GRIP1: variants seen among roughly 807,000 people sequenced by gnomAD.
GRIP1 encodes the protein glutamate receptor-interacting protein 1.
In GRIP1, 45 loss-of-function variants were observed where a neutral mutation model predicts 129.9. The observed-to-expected ratio is 0.35, with a 90% CI of 0.27 to 0.44. GRIP1 has a LOEUF of 0.44. GRIP1 is among the 20% of genes least tolerant of loss of function. GRIP1 has a pLI of 1.00. For synonymous variants in GRIP1, 530 were observed against 520.8 expected (o/e 1.02, Z -0.24); for missense variants, 1,196 against 1,396.8 (o/e 0.86, Z 2.29).
At chr12:66,664,184 A>G (rs1565951381) in intron 1 of GRIP1, among the ~76,000 whole-genome samples, 1 of 151,998 alleles carries the variant, frequency 6.6e-6, no homozygotes, top group Non-Finnish European at 1.5e-5. Context: ...TAGCAGGGTT[A>G]GTTTTATGAA....
At chr12:67,048,184 C>T (rs1347320669) in intron 1 of GRIP1, among the ~76,000 whole-genome samples, 1 of 151,230 alleles carries the variant, frequency 6.6e-6, no homozygotes, top group African/African-American at 2.4e-5. Context: ...TTAACTCTTT[C>T]ATATAGATTT....
At chr12:67,033,465 A>G (rs1254244355) in intron 1 of GRIP1, among the ~76,000 whole-genome samples, 1 of 152,078 alleles carries the variant, frequency 6.6e-6, no homozygotes, top group East Asian at 1.9e-4. Flanking sequence ...AGTGTGTACA[A>G]AAACAAAGTA....
intron 19 of GRIP1, among the ~76,000 whole-genome samples, chr12:66,381,616 C>T (rs1382852469): frequency 6.6e-6 from 1 of 152,144 alleles, no homozygotes; most frequent in East Asian, 1.9e-4. Flanking sequence ...CACTGAATTC[C>T]CTGGTGAAAT....
At chr12:66,486,713 T>C (rs1408223142) in intron 7 of GRIP1, among the ~76,000 whole-genome samples, 3 of 152,294 alleles carry the variant, frequency 2.0e-5, no homozygotes, top group East Asian at 1.9e-4. Flanking sequence ...CTTTTGTAAA[T>C]TGCCCAGTCT....
chr12:66,966,948 T>G (rs1401844118), intron 1 of GRIP1, among the ~76,000 whole-genome samples: 1 of 152,190 alleles, frequency 6.6e-6, no homozygotes, highest in Non-Finnish European at 1.5e-5. Context: ...GAGAGTGAAG[T>G]ATCTGCATCA....
At chr12:66,945,128 CTCTTT>C (rs1232577157) in intron 1 of GRIP1, among the ~76,000 whole-genome samples, 1 of 152,068 alleles carries the variant, frequency 6.6e-6, no homozygotes, top group Non-Finnish European at 1.5e-5. Flanking sequence ...AATTGCCATT[CTCTTT>C]TGTTTTCTTT....
intron 7 of GRIP1, among the ~76,000 whole-genome samples, chr12:66,511,817 A>C (rs2060707184): frequency 6.6e-6 from 1 of 152,156 alleles, no homozygotes; most frequent in Admixed American, 6.5e-5. Context: ...AAGCCAGGAT[A>C]TATCTTGGGC....
At chr12:66,765,379 C>G (rs1314039948) in intron 1 of GRIP1, among the ~76,000 whole-genome samples, 1 of 152,236 alleles carries the variant, frequency 6.6e-6, no homozygotes, top group Non-Finnish European at 1.5e-5. Context: ...TCTTCCTTCA[C>G]ACTCATGACA....
intron 1 of GRIP1, among the ~76,000 whole-genome samples, chr12:66,840,020 C>T (rs1213796289): frequency 6.6e-6 from 1 of 152,246 alleles, no homozygotes; most frequent in Admixed American, 6.5e-5. Flanking sequence ...ATTATTTTAA[C>T]TTGGATATTT....
intron 1 of GRIP1, among the ~76,000 whole-genome samples, chr12:66,687,478 A>C (rs969792422): frequency 6.6e-6 from 1 of 152,126 alleles, no homozygotes; most frequent in Non-Finnish European, 1.5e-5. Context: ...TCTTGGGTAA[A>C]AGTGACTGAG....
chr12:66,383,604 C>CTGCTG (rs1565685434), intron 19 of GRIP1, among the ~76,000 whole-genome samples: 2 of 152,222 alleles, frequency 1.3e-5, no homozygotes, highest in African/African-American at 2.4e-5. Flanking sequence ...TCTCCCACTG[C>CTGCTG]TGCTGTGCTG....
chr12:66,724,570 T>A (rs1437669377), intron 1 of GRIP1, among the ~76,000 whole-genome samples: 1 of 152,226 alleles, frequency 6.6e-6, no homozygotes, highest in Non-Finnish European at 1.5e-5. Flanking sequence ...GCTTATGTGA[T>A]GTCCAAAATA....
At chr12:66,970,540 C>CTTTTTTT (rs3051201) in intron 1 of GRIP1, among the ~76,000 whole-genome samples, 3 of 129,758 alleles carry the variant, frequency 2.3e-5, no homozygotes, top group African/African-American at 2.9e-5. Context: ...CCTCTAGTGT[C>CTTTTTTT]TTTTTTTTTT....
intron 1 of GRIP1, among the ~76,000 whole-genome samples, chr12:67,003,717 A>T (rs1281485544): frequency 1.4e-4 from 21 of 152,070 alleles, no homozygotes; most frequent in Admixed American, 4.6e-4. Flanking sequence ...TAAATAAATA[A>T]AAATAAATAA....
intron 15 of GRIP1, among the ~76,000 whole-genome samples, chr12:66,417,787 G>A (rs1379023616): frequency 6.6e-6 from 1 of 151,904 alleles, no homozygotes; most frequent in East Asian, 1.9e-4. Flanking sequence ...AAATTGAAGA[G>A]GACACAAACA....
chr12:66,376,524 C>T (rs925877183), intron 22 of GRIP1, among the ~76,000 whole-genome samples: 3 of 152,210 alleles, frequency 2.0e-5, no homozygotes, highest in Non-Finnish European at 2.9e-5. Flanking sequence ...CTATTACATT[C>T]CATCTCGTTC....
chr12:66,786,693 G>GCT (rs987992734), intron 1 of GRIP1, among the ~76,000 whole-genome samples: 12 of 152,138 alleles, frequency 7.9e-5, no homozygotes, highest in African/African-American at 2.4e-4. Context: ...TGGTCTATTG[G>GCT]CTCTCCAGAC....
chr12:66,537,057 T>TC (rs2061626161), intron 4 of GRIP1, among the ~76,000 whole-genome samples: 1 of 152,118 alleles, frequency 6.6e-6, no homozygotes, highest in South Asian at 2.1e-4. Flanking sequence ...GATTCAGATA[T>TC]TGAATCCAGG....
intron 1 of GRIP1, among the ~76,000 whole-genome samples, chr12:66,705,432 C>A (rs552695358): frequency 3.9e-5 from 6 of 152,246 alleles, no homozygotes; most frequent in African/African-American, 1.4e-4. Flanking sequence ...AAAAATGTTC[C>A]ATTCTCATGG....
Sources: allele counts gnomAD v4.1 joint callset (sites outside exome capture counted in the v4.1 genomes callset), GRCh38; gene constraint gnomAD v4.1.1; transcripts MANE v1.5; gene names NCBI Gene and HGNC (gene_info 2026-07-23, HGNC 2026-07-21).